Variants in SOX6 observed in about 807,000 individuals in gnomAD.
SOX6 encodes transcription factor SOX-6.
SOX6 carries 11 observed loss-of-function variants against 97.8 expected under a neutral mutation model. The ratio of observed to expected loss-of-function variants is 0.11; its 90% confidence interval spans 0.07 to 0.19. The LOEUF is 0.19. Among genes scored for constraint, SOX6 ranks in the 10% least tolerant of loss-of-function variants. The pLI is 1.00. For synonymous variants in SOX6, 360 were observed against 371.4 expected (o/e 0.97, Z 0.35); for missense variants, 810 against 1,039.5 (o/e 0.78, Z 3.04).
rs1217016258 is a variant in SOX6, at chr11:16,705,031, G to A, written n.429+9799C>T. ...CCAACACTTTGGGAGGCTGAGGCGGGTGGATCACCTGAGGTCAGGAGTTCA... is the reference window on the plus strand; with the variant it reads ...CCAACACTTTGGGAGGCTGAGGCGGATGGATCACCTGAGGTCAGGAGTTCA... On this transcript the variant is annotated intron_variant and non_coding_transcript_variant, in intron 3 of 5. Coordinates refer to the SOX6 transcript ENST00000524520. 5.9e-5 allele frequency among the ~76,000 whole-genome samples: 9 copies of A among 152,306 alleles called. 1 individual carries two copies. The highest frequency in any genetic ancestry group is 7.4e-5 in the Non-Finnish European group (5 of 68,022).
At chr11:16,183,265 T>A (rs1851389904) in intron 6 of SOX6, among the ~76,000 whole-genome samples, 1 of 152,026 alleles carries the variant, frequency 6.6e-6, no homozygotes, top group African/African-American at 2.4e-5. Flanking sequence ...ATCATTGTAA[T>A]TATGATCTAT....
intron 4 of SOX6, among the ~76,000 whole-genome samples, chr11:16,597,179 G>A (rs1435233828): frequency 6.6e-6 from 1 of 152,000 alleles, no homozygotes; most frequent in Non-Finnish European, 1.5e-5. Context: ...TTTAAAGGCT[G>A]ACGAGTACTA....
intron 9 of SOX6, among the ~76,000 whole-genome samples, chr11:16,073,920 T>A (rs1316604526): frequency 6.6e-6 from 1 of 152,156 alleles, no homozygotes; most frequent in Non-Finnish European, 1.5e-5. Context: ...TATACCAGAA[T>A]TTCTGGGATA....
intron 3 of SOX6, among the ~76,000 whole-genome samples, chr11:16,259,947 G>GTA (rs1853827237): frequency 1.8e-4 from 1 of 5,714 alleles, no homozygotes; most frequent in African/African-American, 2.8e-4. Flanking sequence ...TCCCAAATAT[G>GTA]TGTGTGTGTG....
chr11:16,472,823 C>T (rs1008906925), intron 1 of SOX6, among the ~76,000 whole-genome samples: 10 of 152,024 alleles, frequency 6.6e-5, no homozygotes, highest in Admixed American at 6.5e-4. Flanking sequence ...CAAATAATTT[C>T]CTAGAAGTAT....
chr11:16,654,692 C>G (rs1312101478), intron 3 of SOX6, among the ~76,000 whole-genome samples: 1 of 152,174 alleles, frequency 6.6e-6, no homozygotes, highest in East Asian at 1.9e-4. Flanking sequence ...TAGGCTAATA[C>G]TTGTATCCTT....
intron 9 of SOX6, among the ~76,000 whole-genome samples, chr11:16,071,993 C>CAGCGCA (rs1848237220): frequency 6.6e-6 from 1 of 151,954 alleles, no homozygotes; most frequent in African/African-American, 2.4e-5. Context: ...GAGAAAGAAC[C>CAGCGCA]AGCGCAAGAA....
chr11:16,460,393 T>C (rs1296582574), intron 1 of SOX6, among the ~76,000 whole-genome samples: 2 of 152,034 alleles, frequency 1.3e-5, no homozygotes, highest in African/African-American at 2.4e-5. Context: ...TCCCACCTCA[T>C]GTCCAGAAGA....
At chr11:16,496,514 G>A (rs1343703260) in intron 4 of SOX6, among the ~76,000 whole-genome samples, 3 of 152,220 alleles carry the variant, frequency 2.0e-5, no homozygotes, top group Non-Finnish European at 4.4e-5. Context: ...CCAAAGCAGG[G>A]CAAGGCATCG....
intron 9 of SOX6, among the ~76,000 whole-genome samples, chr11:16,073,615 C>T (rs1003548251): frequency 3.3e-5 from 5 of 152,044 alleles, no homozygotes; most frequent in African/African-American, 7.2e-5. Flanking sequence ...GAACCCTCCA[C>T]CCCACAAAAA....
intron 14 of SOX6, among the ~76,000 whole-genome samples, chr11:15,987,008 C>T (rs1829254975): frequency 6.6e-6 from 1 of 152,160 alleles, no homozygotes; most frequent in African/African-American, 2.4e-5. Flanking sequence ...ATTATATATA[C>T]CATTTTCAAG....
chr11:16,139,430 A>G (rs530231809), intron 6 of SOX6, among the ~76,000 whole-genome samples: 1 of 152,170 alleles, frequency 6.6e-6, no homozygotes, highest in South Asian at 2.1e-4. Context: ...TTTTTCATTT[A>G]TTCATAAATA....
intron 1 of SOX6, among the ~76,000 whole-genome samples, chr11:16,473,843 T>A (rs2133118370): frequency 6.6e-6 from 1 of 152,352 alleles, no homozygotes; most frequent in East Asian, 1.9e-4. Context: ...TCATTGACTC[T>A]TTCTTTACAA....
At chr11:16,258,871 T>TATATATACATATATACACACAC (rs1242305961) in intron 3 of SOX6, among the ~76,000 whole-genome samples, 1 of 151,370 alleles carries the variant, frequency 6.6e-6, no homozygotes, top group African/African-American at 2.4e-5. Flanking sequence ...ATACACACAT[T>TATATATACATATATACACACAC]ATATATACAT....
At chr11:16,522,070 A>AG (rs1554972823) in intron 4 of SOX6, among the ~76,000 whole-genome samples, 1 of 152,236 alleles carries the variant, frequency 6.6e-6, no homozygotes, top group Non-Finnish European at 1.5e-5. Context: ...GATATTATCC[A>AG]GGAGAACTTC....
chr11:16,047,076 G>A (rs1345627060), intron 11 of SOX6, among the ~76,000 whole-genome samples: 1 of 152,116 alleles, frequency 6.6e-6, no homozygotes, highest in Non-Finnish European at 1.5e-5. Context: ...AAGGGGTTGA[G>A]GAGTGGGCAG....
intron 3 of SOX6, among the ~76,000 whole-genome samples, chr11:16,286,421 C>T (rs1009289579): frequency 2.0e-5 from 3 of 152,108 alleles, no homozygotes; most frequent in East Asian, 3.9e-4. Context: ...AAACTGCAGG[C>T]CAAATTGTCT....
chr11:16,467,985 T>C (rs982952206), intron 1 of SOX6, among the ~76,000 whole-genome samples: 25 of 152,214 alleles, frequency 1.6e-4, no homozygotes, highest in African/African-American at 9.6e-5. Flanking sequence ...ATGAAAGCTA[T>C]GTAATAATAC....
chr11:16,272,804 A>G (rs555005370), intron 3 of SOX6, among the ~76,000 whole-genome samples: 62 of 151,844 alleles, frequency 4.1e-4, no homozygotes, highest in African/African-American at 1.1e-3. Flanking sequence ...GACATTTTCA[A>G]CCTCTCTGCT....
Sources: gnomAD v4.1 joint callset for allele counts (sites outside exome capture counted in the v4.1 genomes callset) on GRCh38, gnomAD v4.1.1 for gene constraint, MANE v1.5 for transcripts, NCBI Gene and HGNC (gene_info 2026-07-23, HGNC 2026-07-21) for gene names.